PDE4B: variants seen among roughly 807,000 people sequenced by gnomAD.
The protein encoded by PDE4B is 3',5'-cyclic-AMP phosphodiesterase 4B.
PDE4B carries 20 observed loss-of-function variants against 82.2 expected under a neutral mutation model. That is an observed-to-expected ratio of 0.24 (90% CI 0.17 to 0.35). The LOEUF (loss-of-function observed/expected upper bound fraction) is 0.35. PDE4B is among the 10% of genes least tolerant of loss of function. The pLI is 1.00. For synonymous variants in PDE4B, 320 were observed against 318.9 expected, an observed-to-expected ratio of 1.00 and a Z score of -0.04; for missense variants, 655 against 907.2, an observed-to-expected ratio of 0.72 and a Z score of 3.57.
chr1:66,358,143 C>G (rs537162199), intron 9 of PDE4B, among the ~76,000 whole-genome samples: 1 of 152,016 alleles, frequency 6.6e-6, no homozygotes, highest in Non-Finnish European at 1.5e-5. Context: ...AACAGGGGAC[C>G]CAGAGGGATG....
chr1:65,942,837 T>C (rs1473780094), intron 3 of PDE4B, among the ~76,000 whole-genome samples: 2 of 151,972 alleles, frequency 1.3e-5, no homozygotes, highest in Non-Finnish European at 2.9e-5. Flanking sequence ...TTGAGAAATG[T>C]CTATTCAGAT....
intron 1 of PDE4B, among the ~76,000 whole-genome samples, chr1:65,908,811 G>A (rs1372972203): frequency 1.3e-5 from 2 of 152,086 alleles, no homozygotes; most frequent in Non-Finnish European, 2.9e-5. Flanking sequence ...TAGAGAAGGC[G>A]TCAAAGTAAG....
At chr1:66,188,602 T>C (rs1225155053) in intron 3 of PDE4B, among the ~76,000 whole-genome samples, 2 of 151,628 alleles carry the variant, frequency 1.3e-5, no homozygotes, top group Non-Finnish European at 2.9e-5. Context: ...GCCTTCTTTG[T>C]CTCTTTTGAT....
At chr1:66,198,197 A>G (rs1463256764) in intron 3 of PDE4B, among the ~76,000 whole-genome samples, 1 of 152,116 alleles carries the variant, frequency 6.6e-6, no homozygotes, top group East Asian at 1.9e-4. Flanking sequence ...TCCCTTTCCT[A>G]GTGATTCCTG....
intron 3 of PDE4B, among the ~76,000 whole-genome samples, chr1:65,934,832 T>G (rs896009280): frequency 6.6e-6 from 1 of 152,164 alleles, no homozygotes; most frequent in Non-Finnish European, 1.5e-5. Context: ...ATAACACTTA[T>G]ATGTACCCAA....
chr1:66,244,143 C>A (rs1220292029), intron 3 of PDE4B, among the ~76,000 whole-genome samples: 2 of 152,110 alleles, frequency 1.3e-5, no homozygotes, highest in African/African-American at 4.8e-5. Flanking sequence ...TGTGATACAG[C>A]AACTGAATGA....
chr1:66,051,327 C>T (rs1655014809), intron 3 of PDE4B, among the ~76,000 whole-genome samples: 1 of 152,006 alleles, frequency 6.6e-6, no homozygotes, highest in Admixed American at 6.6e-5. Context: ...GTCACTCGAC[C>T]TCACCTTAAA....
chr1:66,311,333 G>C (rs2101866796), intron 7 of PDE4B, among the ~76,000 whole-genome samples: 1 of 152,336 alleles, frequency 6.6e-6, no homozygotes, highest in Middle Eastern at 3.4e-3. Flanking sequence ...GACAATGTGA[G>C]ACTGTTTGCA....
intron 3 of PDE4B, among the ~76,000 whole-genome samples, chr1:66,085,833 G>A (rs1429467300): frequency 2.0e-5 from 3 of 152,020 alleles, no homozygotes; most frequent in Non-Finnish European, 4.4e-5. Context: ...GCTTTGCCTT[G>A]TCAAAAAATA....
At chr1:66,365,360 G>A (rs1190484641) in intron 12 of PDE4B, among the ~76,000 whole-genome samples, 2 of 152,134 alleles carry the variant, frequency 1.3e-5, no homozygotes, top group Non-Finnish European at 2.9e-5. Context: ...GCACCATGCT[G>A]CCACATCACT....
intron 3 of PDE4B, among the ~76,000 whole-genome samples, chr1:65,921,816 AT>A (rs1647259302): frequency 6.6e-6 from 1 of 152,180 alleles, no homozygotes; most frequent in Admixed American, 6.5e-5. Flanking sequence ...TGATCCTAGG[AT>A]TTGATCATTG....
chr1:66,328,295 T>C (rs1659874046), intron 7 of PDE4B, among the ~76,000 whole-genome samples: 1 of 152,224 alleles, frequency 6.6e-6, no homozygotes, highest in Non-Finnish European at 1.5e-5. Context: ...TCCCTACTTC[T>C]TCCCTCTGGA....
intron 3 of PDE4B, among the ~76,000 whole-genome samples, chr1:66,122,660 A>G (rs1039150655): frequency 6.7e-6 from 1 of 149,970 alleles, no homozygotes; most frequent in African/African-American, 2.4e-5. Context: ...AAGGAGTCAG[A>G]GGATCTTGAG....
intron 1 of PDE4B, among the ~76,000 whole-genome samples, chr1:65,859,681 T>C (rs1646432182): frequency 6.6e-6 from 1 of 152,146 alleles, no homozygotes; most frequent in African/African-American, 2.4e-5. Context: ...ACAACAATGA[T>C]TAGACCAATG....
chr1:66,222,388 A>T (rs893792481), intron 3 of PDE4B, among the ~76,000 whole-genome samples: 5 of 152,194 alleles, frequency 3.3e-5, no homozygotes, highest in African/African-American at 1.2e-4. Flanking sequence ...TATTGTTGTG[A>T]GGATTAAATG....
chr1:66,342,662 T>A (rs1251966470), intron 8 of PDE4B, among the ~76,000 whole-genome samples: 1 of 144,232 alleles, frequency 6.9e-6, no homozygotes, highest in East Asian at 2.0e-4. Flanking sequence ...AACCAGGAGG[T>A]AGAGGGCAGT....
intron 1 of PDE4B, among the ~76,000 whole-genome samples, chr1:65,851,007 T>G (rs1244600240): frequency 6.6e-6 from 1 of 152,200 alleles, no homozygotes; most frequent in East Asian, 1.9e-4. Flanking sequence ...TTCACATGTA[T>G]GTGAATATGA....
At chr1:65,946,546 T>G (rs1235520187) in intron 3 of PDE4B, among the ~76,000 whole-genome samples, 1 of 152,014 alleles carries the variant, frequency 6.6e-6, no homozygotes, top group African/African-American at 2.4e-5. Flanking sequence ...TCACTTGATG[T>G]CATTTGAGTT....
chr1:66,286,487 A>G (rs1291972967), intron 7 of PDE4B, among the ~76,000 whole-genome samples: 1 of 152,148 alleles, frequency 6.6e-6, no homozygotes, highest in African/African-American at 2.4e-5. Flanking sequence ...TGACTGCCAC[A>G]TTGTGAAACA....
Sources: gnomAD v4.1 joint callset for allele counts (sites outside exome capture counted in the v4.1 genomes callset) on GRCh38, gnomAD v4.1.1 for gene constraint, MANE v1.5 for transcripts, NCBI Gene and HGNC (gene_info 2026-07-23, HGNC 2026-07-21) for gene names.